BCL2: variants seen among roughly 807,000 people sequenced by gnomAD.
BCL2 encodes BCL2 apoptosis regulator.
BCL2 carries 1 observed loss-of-function variant against 14.2 expected under a neutral mutation model. That is an observed-to-expected ratio of 0.07 (90% CI 0.02 to 0.33). BCL2 has a LOEUF of 0.33. BCL2 is among the 10% of genes least tolerant of loss of function. The pLI is 0.99. For missense variants in BCL2, 247 were observed against 305.9 expected (o/e 0.81, Z 1.44); for synonymous variants, 151 against 137.2 (o/e 1.10, Z -0.70).
intron 2 of BCL2, among the ~76,000 whole-genome samples, chr18:63,153,734 C>T (rs1306461192): frequency 6.6e-6 from 1 of 152,130 alleles, no homozygotes; most frequent in Non-Finnish European, 1.5e-5. Context: ...GCAAGAACAT[C>T]GGACCTTGTA....
chr18:63,296,936 C>T (rs946090688), intron 2 of BCL2, among the ~76,000 whole-genome samples: 22 of 152,238 alleles, frequency 1.4e-4, no homozygotes, highest in East Asian at 7.7e-4. Flanking sequence ...GAACCGGCCC[C>T]GCACGGTGGC....
intron 2 of BCL2, among the ~76,000 whole-genome samples, chr18:63,169,424 TC>T (rs1915170993): frequency 7.1e-6 from 1 of 140,412 alleles, no homozygotes; most frequent in Non-Finnish European, 1.5e-5. Context: ...TCTCTCTCTC[TC>T]TCTTTCTTTT....
chr18:63,306,520 T>C (rs1406252649), intron 2 of BCL2, among the ~76,000 whole-genome samples: 1 of 152,222 alleles, frequency 6.6e-6, no homozygotes, highest in Non-Finnish European at 1.5e-5. Context: ...GCTCCTGCAG[T>C]CCACCATGTG....
intron 2 of BCL2, among the ~76,000 whole-genome samples, chr18:63,303,243 A>C (rs1289246532): frequency 1.3e-5 from 2 of 152,114 alleles, no homozygotes; most frequent in African/African-American, 4.8e-5. Flanking sequence ...TCCAACGCAC[A>C]CTCTGACCCC....
At chr18:63,181,252 T>C (rs1915475268) in intron 2 of BCL2, among the ~76,000 whole-genome samples, 1 of 152,008 alleles carries the variant, frequency 6.6e-6, no homozygotes, top group Non-Finnish European at 1.5e-5. Flanking sequence ...AAATTACCCC[T>C]GTGTGGCTGC....
chr18:63,302,066 G>A (rs1173461920), intron 2 of BCL2, among the ~76,000 whole-genome samples: 2 of 152,184 alleles, frequency 1.3e-5, no homozygotes, highest in Non-Finnish European at 1.5e-5. Flanking sequence ...GCTCACGCCT[G>A]TAATCCCAGC....
intron 2 of BCL2, among the ~76,000 whole-genome samples, chr18:63,135,932 A>C (rs1313092849): frequency 6.6e-6 from 1 of 152,074 alleles, no homozygotes; most frequent in East Asian, 1.9e-4. Context: ...AGAGACCACC[A>C]ATACCCTCCA....
intron 2 of BCL2, among the ~76,000 whole-genome samples, chr18:63,141,200 T>G (rs1230500796): frequency 6.6e-6 from 1 of 152,242 alleles, no homozygotes; most frequent in East Asian, 1.9e-4. Flanking sequence ...CTTACCTAGT[T>G]AGTGACCTTA....
At chr18:63,219,495 C>T (rs1227133530) in intron 2 of BCL2, among the ~76,000 whole-genome samples, 2 of 138,478 alleles carry the variant, frequency 1.4e-5, no homozygotes, top group East Asian at 2.1e-4. Context: ...CTCGCTCTGT[C>T]GCCCAGGGTA....
At position 63,244,827 on chromosome 18, in the gene BCL2, G is replaced by A. The variant is rs75356922; in HGVS notation, c.585+73255C>T. ...GCCTCTGTGGATTCCTTTTTTAAGC[G>A]TTACAAGATTGGTCCTAGACCACAG... On this transcript the variant is annotated intron_variant, in intron 2 of 2. Transcript: ENST00000333681. 6.4e-3 allele frequency among the ~76,000 whole-genome samples: 982 copies of A among 152,254 alleles called. 5 individuals are homozygous for A. Among genetic ancestry groups the A allele is most frequent in the Non-Finnish European group, 0.011 (734 of 68,018 alleles).
intron 2 of BCL2, among the ~76,000 whole-genome samples, chr18:63,176,311 A>G (rs1320432980): frequency 1.3e-5 from 2 of 152,218 alleles, no homozygotes; most frequent in Non-Finnish European, 2.9e-5. Flanking sequence ...CTAGAGACCC[A>G]GTGGGCCTGA....
At chr18:63,207,617 G>C (rs1909876099) in intron 2 of BCL2, 1 of 140,242 alleles carries the variant, frequency 7.1e-6, no homozygotes, top group African/African-American at 2.8e-5. Context: ...AGGTCTGGGT[G>C]GGGGCAGGAG....
chr18:63,276,439 C>A (rs987320266), intron 2 of BCL2, among the ~76,000 whole-genome samples: 1 of 152,174 alleles, frequency 6.6e-6, no homozygotes, highest in Non-Finnish European at 1.5e-5. Context: ...GCCAGACAGG[C>A]TGGACAACCT....
At chr18:63,162,916 G>A (rs997444258) in intron 2 of BCL2, among the ~76,000 whole-genome samples, 31 of 151,928 alleles carry the variant, frequency 2.0e-4, no homozygotes, top group African/African-American at 5.1e-4. Context: ...GAGTGCAGTC[G>A]CAATTATAGC....
In BCL2 at chr18:63,123,567, T is replaced by A. The variant is rs1194663452; in HGVS notation, c.*5058A>T. The A allele has an allele frequency of 2.4e-5, 5 of 208,696 alleles. No individual in the cohort carries two copies. 12.9% of individuals were successfully genotyped at this position (208,696 alleles called of 1,614,324 possible). On this transcript the variant is annotated 3_prime_UTR_variant, in exon 3 of 3. Coordinates refer to ENST00000333681, the MANE Select transcript of BCL2 (RefSeq NM_000633.3). ...ATCAGCCACCTCTTAAAAGTATCAA[T>A]CTTAAAAAGAGCCATGGAAGGTAAA...
At chr18:63,173,418 T>C (rs1336743265) in intron 2 of BCL2, among the ~76,000 whole-genome samples, 1 of 152,172 alleles carries the variant, frequency 6.6e-6, no homozygotes, top group African/African-American at 2.4e-5. Context: ...CTAAAAATGT[T>C]TTTCCCTGGT....
At position 63,126,378 on chromosome 18, in the gene BCL2, T is replaced by C; in HGVS notation, c.*2247A>G. 1 of 222,310 alleles carries C rather than the reference T, an allele frequency of 4.5e-6. No individual in the cohort carries two copies. Among genetic ancestry groups the C allele is most frequent in the East Asian group, 6.5e-5 (1 of 15,454 alleles). 13.8% of individuals were successfully genotyped at this position (222,310 alleles called of 1,614,324 possible). ...GTTGAAACAGGCCACGTAAAGCAAC[T>C]CTCTAAAGGTCAAACCACCATAGAT... On this transcript the variant is annotated 3_prime_UTR_variant, in exon 3 of 3. Transcript: ENST00000333681.
intron 2 of BCL2, among the ~76,000 whole-genome samples, chr18:63,291,217 G>A (rs1260458535): frequency 6.6e-6 from 1 of 152,208 alleles, no homozygotes; most frequent in East Asian, 1.9e-4. Context: ...CTTAGTAGAT[G>A]CTGATTTTCT....
chr18:63,158,762 G>C (rs1008665849), intron 2 of BCL2, among the ~76,000 whole-genome samples: 13 of 152,196 alleles, frequency 8.5e-5, no homozygotes, highest in African/African-American at 3.1e-4. Context: ...AGCGCCGCCT[G>C]TCTGCCCACC....
Sources: allele counts gnomAD v4.1 joint callset (sites outside exome capture counted in the v4.1 genomes callset), GRCh38; gene constraint gnomAD v4.1.1; transcripts MANE v1.5; gene names NCBI Gene and HGNC (gene_info 2026-07-23, HGNC 2026-07-21).